The following DEPDC1B variants were observed in gnomAD, a reference collection of about 807,000 sequenced individuals.
DEPDC1B encodes the protein DEP domain containing 1B, also known as DEP domain-containing protein 1B.
A neutral mutation model predicts 66.5 loss-of-function variants in DEPDC1B; 51 were observed. The observed-to-expected ratio is 0.77, with a 90% CI of 0.61 to 0.97. The LOEUF (loss-of-function observed/expected upper bound fraction) is 0.97, where lower values mean the gene tolerates loss of function less well. Ranked by LOEUF, DEPDC1B falls within the 50% of genes least tolerant of loss-of-function variation. The probability of loss-of-function intolerance (pLI) is 0.00; values close to 1 mark genes in which losing one functional copy is unlikely to be tolerated. For synonymous variants in DEPDC1B, 226 were observed against 223.6 expected (o/e 1.01, Z -0.10); for missense variants, 552 against 637.1 (o/e 0.87, Z 1.44).
chr5:60,695,138 T>A (rs1278196288), intron 1 of DEPDC1B, among the ~76,000 whole-genome samples: 2 of 152,166 alleles, frequency 1.3e-5, no homozygotes, highest in Non-Finnish European at 2.9e-5. Flanking sequence ...GGATCTCTAT[T>A]TTTTTCTGGA....
At chr5:60,674,624 C>T (rs1388838674) in intron 2 of DEPDC1B, among the ~76,000 whole-genome samples, 1 of 152,208 alleles carries the variant, frequency 6.6e-6, no homozygotes, top group Non-Finnish European at 1.5e-5. Flanking sequence ...CTTTCACATA[C>T]ACCTAATAAT....
At chr5:60,632,079 C>T (rs1752937204) in intron 7 of DEPDC1B, among the ~76,000 whole-genome samples, 1 of 152,192 alleles carries the variant, frequency 6.6e-6, no homozygotes, top group South Asian at 2.1e-4. Context: ...ATATAAAGGA[C>T]CAGTGGAACA....
At chr5:60,605,896 T>C (rs1230646536) in intron 7 of DEPDC1B, 40 bp from the exon 8 acceptor site, 2 of 1,531,230 alleles carry the variant, frequency 1.3e-6, no homozygotes, top group Non-Finnish European at 1.8e-6. Flanking sequence ...TCAACACCTA[T>C]AGCCTAGTAG....
rs1753963801 is a variant in DEPDC1B, at chr5:60,668,799, T to C, written c.314+18163A>G. Among the ~76,000 whole-genome samples, 3 of 152,314 alleles carry C rather than the reference T, an allele frequency of 2.0e-5. 1 individual carries two copies. The highest frequency in any genetic ancestry group is 2.0e-4 in the Admixed American group (3 of 15,306). On this transcript the variant is annotated intron_variant, in intron 2 of 10. Transcript: ENST00000265036. ...AAGTTTAAGTCAACATCAAATATTT[T>C]CTGCTACTGAAATAAAAATTAGCAT... is the stretch of plus-strand genomic sequence containing the variant.
At chr5:60,628,737 C>G (rs2111812991) in intron 7 of DEPDC1B, 1 of 152,274 alleles carries the variant, frequency 6.6e-6, no homozygotes, top group Non-Finnish European at 1.5e-5. Flanking sequence ...TGCATAGAGT[C>G]TCAAACTGCT....
chr5:60,649,749 A>G (rs1363228977), intron 2 of DEPDC1B, among the ~76,000 whole-genome samples: 1 of 152,050 alleles, frequency 6.6e-6, no homozygotes, highest in Admixed American at 6.5e-5. Context: ...TTACACAAAA[A>G]AAAGACAGTG....
Position 60,673,196 on chromosome 5 carries a change from A to G in DEPDC1B, c.314+13766T>C, listed in dbSNP as rs563267103. 3.3e-5 allele frequency among the ~76,000 whole-genome samples: 5 copies of G among 152,258 alleles called. No individual in the cohort carries two copies. In the South Asian group the frequency reaches 1.0e-3, roughly 32 times the overall value. ...AAGACTCAAGTGTCACCTCTACAGC[A>G]AACTATTCTCTGACTGATTCAAGCA... On this transcript the variant is annotated intron_variant, in intron 2 of 10. Coordinates refer to ENST00000265036, the MANE Select transcript of DEPDC1B (RefSeq NM_018369.3).
chr5:60,678,793 G>A (rs1056657872), intron 2 of DEPDC1B, among the ~76,000 whole-genome samples: 4 of 152,112 alleles, frequency 2.6e-5, no homozygotes, highest in Non-Finnish European at 5.9e-5. Context: ...ATTCTTGATA[G>A]CACTCCACTG....
intron 7 of DEPDC1B, among the ~76,000 whole-genome samples, chr5:60,615,279 G>A (rs1264165753): frequency 6.6e-6 from 1 of 152,138 alleles, no homozygotes; most frequent in East Asian, 1.9e-4. Context: ...CATCTCACTG[G>A]GGAGTGTCGG....
intron 7 of DEPDC1B, among the ~76,000 whole-genome samples, chr5:60,626,513 G>A (rs1474754997): frequency 2.0e-5 from 3 of 152,090 alleles, no homozygotes; most frequent in Non-Finnish European, 4.4e-5. Flanking sequence ...TTACCAAACG[G>A]CAGTGCCATT....
intron 2 of DEPDC1B, among the ~76,000 whole-genome samples, chr5:60,682,738 G>A (rs1470289307): frequency 1.3e-5 from 2 of 152,030 alleles, no homozygotes; most frequent in Admixed American, 1.3e-4. Flanking sequence ...GATTGAACCA[G>A]AAATAAATAG....
At chr5:60,618,078 C>G (rs1364775407) in intron 7 of DEPDC1B, among the ~76,000 whole-genome samples, 1 of 152,208 alleles carries the variant, frequency 6.6e-6, no homozygotes, top group Non-Finnish European at 1.5e-5. Context: ...TAAAGATATT[C>G]TTTGAAACCA....
At chr5:60,619,238 A>T (rs55720622) in intron 7 of DEPDC1B, among the ~76,000 whole-genome samples, 69,884 of 152,058 alleles carry the variant, frequency 0.46, 17,357 homozygotes, top group East Asian at 0.57. Context: ...CAAGACAGGG[A>T]TGTCCTCTCT....
chr5:60,628,895 A>G lies in DEPDC1B; in HGVS notation c.898+9855T>C, dbSNP rs1162518441. ...ACATTTCATTTTCTAATCCAGTTGGAATTTATCCTGCTGAAATGGTGGGAG... is the reference window on the plus strand; with the variant it reads ...ACATTTCATTTTCTAATCCAGTTGGGATTTATCCTGCTGAAATGGTGGGAG... On this transcript the variant is annotated intron_variant, in intron 7 of 10. Coordinates refer to ENST00000265036, the MANE Select transcript of DEPDC1B (RefSeq NM_018369.3). 5.3e-5 allele frequency among the ~76,000 whole-genome samples: 8 copies of G among 152,192 alleles called. No individual in the cohort carries two copies. In the East Asian group the frequency reaches 1.5e-3, roughly 29 times the overall value.
intron 2 of DEPDC1B, among the ~76,000 whole-genome samples, chr5:60,682,375 G>A (rs1411120795): frequency 6.6e-6 from 1 of 152,132 alleles, no homozygotes; most frequent in Non-Finnish European, 1.5e-5. Context: ...TGGGGTGCGG[G>A]GAGCAGGGAG....
At position 60,700,127 on chromosome 5, in the gene DEPDC1B, G is replaced by A. The variant is rs760048542; in HGVS notation, c.-34C>T. On this transcript the variant is annotated 5_prime_UTR_variant, in exon 1 of 11. Coordinates refer to ENST00000265036, the MANE Select transcript of DEPDC1B (RefSeq NM_018369.3). ...GGCAGCAGCGGCCGCAGCCGCGCCA[G>A]CGCTGATCCCCGCCAGCCGGAGGAG... The A allele has an allele frequency of 7.8e-6, 12 of 1,535,562 alleles. No individual in the cohort carries two copies. The South Asian group carries it at 9.6e-5, about 12-fold the overall frequency.
At position 60,687,247 on chromosome 5, in the gene DEPDC1B, T is replaced by C. The variant is rs779838337; in HGVS notation, c.49-20A>G. On this transcript the variant is annotated intron_variant, in intron 1 of 10. Coordinates refer to ENST00000265036, the MANE Select transcript of DEPDC1B (RefSeq NM_018369.3). ...ATTCCACTAGGGGAAAGAAAGAGAA[T>C]GGCATTTAGTAATCAACTGATTTTT... The C allele has an allele frequency of 4.4e-6, 7 of 1,581,930 alleles. No individual in the cohort carries two copies. Among genetic ancestry groups the C allele is most frequent in the South Asian group, 1.1e-5 (1 of 87,602 alleles).
chr5:60,682,767 A>G lies in DEPDC1B; in HGVS notation c.314+4195T>C, dbSNP rs540104460. On this transcript the variant is annotated intron_variant, in intron 2 of 10. Transcript: ENST00000265036. ...TAAATAGAAAATCTGTAATAGATCA[A>G]TAACAAGTAACAAGATTGAATCACT... 2.0e-5 allele frequency among the ~76,000 whole-genome samples: 3 copies of G among 152,318 alleles called. No homozygotes were observed. In the South Asian group the frequency reaches 6.2e-4, roughly 32 times the overall value.
chr5:60,683,718 T>C (rs774521586), intron 2 of DEPDC1B, among the ~76,000 whole-genome samples: 2 of 152,154 alleles, frequency 1.3e-5, no homozygotes, highest in Non-Finnish European at 2.9e-5. Context: ...GATGCCCAGT[T>C]TCACCACTCT....
Sources: gnomAD v4.1 joint callset for allele counts (sites outside exome capture counted in the v4.1 genomes callset) on GRCh38, gnomAD v4.1.1 for gene constraint, MANE v1.5 for transcripts, NCBI Gene and HGNC (gene_info 2026-07-23, HGNC 2026-07-21) for gene names.